Variants in KIDINS220 observed in about 807,000 individuals in gnomAD.
KIDINS220 encodes the protein kinase D interacting substrate 220, also known as kinase D-interacting substrate of 220 kDa.
A neutral mutation model predicts 157.6 loss-of-function variants in KIDINS220; 63 were observed. The ratio of observed to expected loss-of-function variants is 0.40; its 90% confidence interval spans 0.33 to 0.49. KIDINS220 has a LOEUF of 0.49. Among genes scored for constraint, KIDINS220 ranks in the 20% least tolerant of loss-of-function variants. The probability of loss-of-function intolerance (pLI) is 0.66; values close to 1 mark genes in which losing one functional copy is unlikely to be tolerated. For missense variants in KIDINS220, 1,772 were observed against 2,171.2 expected, an observed-to-expected ratio of 0.82 and a Z score of 3.65; for synonymous variants, 732 against 783.6, an observed-to-expected ratio of 0.93 and a Z score of 1.10.
intron 22 of KIDINS220, among the ~76,000 whole-genome samples, chr2:8,768,096 A>G (rs1406254134): frequency 6.6e-6 from 1 of 152,180 alleles, no homozygotes; most frequent in African/African-American, 2.4e-5. Flanking sequence ...ACTTAAATTC[A>G]TTTTTTTAAA....
At chr2:8,778,297 C>T (rs896166214) in intron 20 of KIDINS220, among the ~76,000 whole-genome samples, 2 of 152,182 alleles carry the variant, frequency 1.3e-5, no homozygotes, top group African/African-American at 4.8e-5. Context: ...AACCTTTCTC[C>T]CCTACTGCTA....
intron 9 of KIDINS220, among the ~76,000 whole-genome samples, chr2:8,799,476 C>A (rs2148316323): frequency 6.6e-6 from 1 of 152,194 alleles, no homozygotes; most frequent in Middle Eastern, 3.4e-3. Flanking sequence ...AAACTTAGCT[C>A]AAGTTCTACC....
chr2:8,835,477 C>G (rs557477335), intron 1 of KIDINS220, among the ~76,000 whole-genome samples: 1 of 152,066 alleles, frequency 6.6e-6, no homozygotes, highest in Non-Finnish European at 1.5e-5. Flanking sequence ...ATGGGTCACA[C>G]ATAAAATGAT....
chr2:8,833,814 A>C (rs943852457), intron 1 of KIDINS220, among the ~76,000 whole-genome samples: 1 of 152,260 alleles, frequency 6.6e-6, no homozygotes, highest in Non-Finnish European at 1.5e-5. Context: ...AGAACAAAAA[A>C]TTTATGTTGT....
intron 4 of KIDINS220, among the ~76,000 whole-genome samples, chr2:8,816,002 A>ACCAC: frequency 6.6e-6 from 1 of 152,076 alleles, no homozygotes; most frequent in Non-Finnish European, 1.5e-5. Flanking sequence ...GGTAGTTACT[A>ACCAC]CCACCCACCC....
intron 29 of KIDINS220, 64 bp downstream of exon 29, chr2:8,733,380 A>G: frequency 7.5e-7 from 1 of 1,331,752 alleles, no homozygotes; most frequent in South Asian, 1.3e-5. Flanking sequence ...TGCCCATATA[A>G]TCTCAGTGAA....
At chr2:8,743,664 T>C (rs1482003617) in intron 26 of KIDINS220, among the ~76,000 whole-genome samples, 1 of 152,152 alleles carries the variant, frequency 6.6e-6, no homozygotes, top group African/African-American at 2.4e-5. Flanking sequence ...GCATTCTAGT[T>C]CCAAATCTGG....
intron 12 of KIDINS220, 126 bp downstream of exon 12, chr2:8,793,684 C>G (rs1673512325): frequency 1.3e-6 from 1 of 786,140 alleles, no homozygotes; most frequent in Non-Finnish European, 1.9e-6. Flanking sequence ...AGCAATCCTC[C>G]CACCTCGGCC....
At chr2:8,823,528 T>C (rs1469961383) in intron 2 of KIDINS220, among the ~76,000 whole-genome samples, 3 of 152,070 alleles carry the variant, frequency 2.0e-5, no homozygotes, top group Non-Finnish European at 4.4e-5. Context: ...CCAATTTAAA[T>C]TGATACAATA....
intron 22 of KIDINS220, chr2:8,757,210 A>G (rs1668122114): frequency 9.3e-6 from 9 of 972,508 alleles, no homozygotes; most frequent in South Asian, 4.7e-5. Context: ...TTTTCCCAAC[A>G]AAAGTGCATA....
intron 17 of KIDINS220, among the ~76,000 whole-genome samples, chr2:8,780,520 CTGTGTGTGTGTG>C (rs34620607): frequency 6.7e-6 from 1 of 148,964 alleles, no homozygotes; most frequent in South Asian, 2.1e-4. Flanking sequence ...GTGTGTGTGT[CTGTGTGTGTGTG>C]TGTGTGTGTG....
intron 22 of KIDINS220, among the ~76,000 whole-genome samples, chr2:8,762,526 A>T (rs1668887534): frequency 1.3e-5 from 2 of 152,146 alleles, no homozygotes; most frequent in Admixed American, 1.3e-4. Context: ...TCACGAGGTC[A>T]GGAGATCGAG....
intron 17 of KIDINS220, among the ~76,000 whole-genome samples, chr2:8,782,274 A>C (rs980455141): frequency 5.5e-4 from 84 of 152,160 alleles, no homozygotes; most frequent in Non-Finnish European, 6.3e-4. Flanking sequence ...TTAGTTCAAA[A>C]GATAAACACA....
chr2:8,802,500 T>C lies in KIDINS220; in HGVS notation c.801+430A>G, dbSNP rs377391964. Among the ~76,000 whole-genome samples the C allele has an allele frequency of 8.5e-5, 13 of 152,216 alleles. 1 individual carries two copies. The East Asian group carries it at 1.9e-3, about 23-fold the overall frequency. On this transcript the variant is annotated intron_variant, in intron 8 of 29. Coordinates refer to ENST00000256707, the MANE Select transcript of KIDINS220 (RefSeq NM_020738.4). ...GGGGCTTCAACAAGAGGCTGAATGA[T>C]GGTACCACTTGCTGAGATGGAGAAT...
At chr2:8,772,164 G>C (rs2148170242) in intron 21 of KIDINS220, among the ~76,000 whole-genome samples, 1 of 152,120 alleles carries the variant, frequency 6.6e-6, no homozygotes, top group Middle Eastern at 3.4e-3. Context: ...AGAGAGAACT[G>C]GAAAACTATT....
At chr2:8,765,135 G>T (rs553038192) in intron 22 of KIDINS220, among the ~76,000 whole-genome samples, 8 of 152,162 alleles carry the variant, frequency 5.3e-5, no homozygotes. Flanking sequence ...CAGTAAGAGG[G>T]AGAAGGAGCC....
Position 8,731,038 on chromosome 2 carries a change from G to A in KIDINS220, c.4998C>T (p.Asn1666=). 5.6e-6 allele frequency: 9 copies of A among 1,614,222 alleles called. No individual in the cohort carries two copies. The highest frequency in any genetic ancestry group is 6.8e-6 in the Non-Finnish European group (8 of 1,180,034). ...CSLIASSPEE[N]WPACQKAYNL... ...TGTAGGCTTTCTGGCATGCAGGCCA[G>A]TTTTCTTCAGGGCTGCTGGCTATCA... The change falls in exon 30 of 30, where the codon AAC becomes AAT. Residue 1666 remains asparagine (N), a synonymous_variant. Coordinates refer to ENST00000256707, the MANE Select transcript of KIDINS220 (RefSeq NM_020738.4). This position sits in a 1 kb window ranked among gnomAD's most constrained non-coding sequence, Gnocchi z 5.2.
chr2:8,789,183 T>G (rs1002899988), intron 14 of KIDINS220, among the ~76,000 whole-genome samples: 2 of 152,146 alleles, frequency 1.3e-5, no homozygotes, highest in African/African-American at 2.4e-5. Context: ...ATATTATATT[T>G]TTTTTATTTT....
intron 15 of KIDINS220, among the ~76,000 whole-genome samples, chr2:8,787,798 T>A (rs1332920567): frequency 6.6e-6 from 1 of 152,042 alleles, no homozygotes; most frequent in African/African-American, 2.4e-5. Flanking sequence ...GACTTAAACA[T>A]TTTTCATCTT....
Sources: gnomAD v4.1 joint callset for allele counts (sites outside exome capture counted in the v4.1 genomes callset) on GRCh38, gnomAD v4.1.1 for gene constraint, Gnocchi (gnomAD v3.1) non-coding constraint, MANE v1.5 for transcripts, NCBI Gene and HGNC (gene_info 2026-07-23, HGNC 2026-07-21) for gene names.